Variants in GNAQ observed in about 807,000 individuals in gnomAD.
The protein encoded by GNAQ is G protein subunit alpha q, also known as guanine nucleotide-binding protein G(q) subunit alpha.
A neutral mutation model predicts 43.9 loss-of-function variants in GNAQ; 8 were observed. The ratio of observed to expected loss-of-function variants is 0.18; its 90% confidence interval spans 0.11 to 0.33. The LOEUF (loss-of-function observed/expected upper bound fraction) is 0.33. GNAQ is among the 10% of genes least tolerant of loss of function. The pLI, the probability that GNAQ is intolerant of heterozygous loss-of-function variation, is 1.00. For missense variants in GNAQ, 158 were observed against 450.8 expected (o/e 0.35, Z 5.88); for synonymous variants, 155 against 170.7 (o/e 0.91, Z 0.71).
At chr9:78,017,218 T>C (rs907075104) in intron 1 of GNAQ, among the ~76,000 whole-genome samples, 1 of 152,206 alleles carries the variant, frequency 6.6e-6, no homozygotes, top group Admixed American at 6.5e-5. Context: ...TTCTGTGGTG[T>C]AAACCCTAGC....
intron 5 of GNAQ, among the ~76,000 whole-genome samples, chr9:77,775,955 GA>G (rs1334497595): frequency 6.6e-6 from 1 of 151,926 alleles, no homozygotes; most frequent in Non-Finnish European, 1.5e-5. Context: ...AAAAGAAAAA[GA>G]AAAAAATTCA....
At chr9:77,998,021 C>T (rs1321196695) in intron 1 of GNAQ, among the ~76,000 whole-genome samples, 1 of 152,192 alleles carries the variant, frequency 6.6e-6, no homozygotes, top group Non-Finnish European at 1.5e-5. Flanking sequence ...CAACTGCTCT[C>T]TCTCCTCCTC....
intron 5 of GNAQ, among the ~76,000 whole-genome samples, chr9:77,741,211 G>A (rs921715030): frequency 1.3e-5 from 2 of 152,206 alleles, no homozygotes; most frequent in Middle Eastern, 3.2e-3. Context: ...TATGGCATGA[G>A]AAGACTGATA....
intron 1 of GNAQ, among the ~76,000 whole-genome samples, chr9:77,963,226 G>A (rs1823127233): frequency 6.6e-6 from 1 of 152,166 alleles, no homozygotes; most frequent in African/African-American, 2.4e-5. Flanking sequence ...AAATGATGCT[G>A]AAGATAAGGC....
chr9:77,805,009 A>T (rs1217012477), intron 3 of GNAQ, among the ~76,000 whole-genome samples: 1 of 152,184 alleles, frequency 6.6e-6, no homozygotes, highest in Non-Finnish European at 1.5e-5. Flanking sequence ...TCAGAAACAC[A>T]CAGTTATCGT....
chr9:77,722,899 C>T (rs1459330858), intron 6 of GNAQ, among the ~76,000 whole-genome samples: 3 of 152,176 alleles, frequency 2.0e-5, no homozygotes, highest in South Asian at 4.1e-4. Flanking sequence ...CCACTTCAGC[C>T]TCCCAAAGTG....
intron 2 of GNAQ, among the ~76,000 whole-genome samples, chr9:77,916,055 AG>A (rs1414290700): frequency 6.6e-6 from 1 of 152,208 alleles, no homozygotes; most frequent in Non-Finnish European, 1.5e-5. Flanking sequence ...GGTGGGTGAC[AG>A]AAGATTGGAA....
At chr9:77,903,766 C>T (rs1384891645) in intron 2 of GNAQ, among the ~76,000 whole-genome samples, 1 of 151,958 alleles carries the variant, frequency 6.6e-6, no homozygotes, top group Non-Finnish European at 1.5e-5. Context: ...TATATACACA[C>T]CTTATTTTAA....
intron 2 of GNAQ, among the ~76,000 whole-genome samples, chr9:77,864,174 T>C (rs1339430878): frequency 1.3e-5 from 2 of 150,886 alleles, no homozygotes; most frequent in Non-Finnish European, 3.0e-5. Flanking sequence ...CAGGCTTTTT[T>C]TTTTTTTTTT....
chr9:77,801,668 C>T (rs572355653), intron 3 of GNAQ, among the ~76,000 whole-genome samples: 1 of 152,166 alleles, frequency 6.6e-6, no homozygotes, highest in Non-Finnish European at 1.5e-5. Flanking sequence ...CTAAGAGGAA[C>T]TGTATCTAGC....
chr9:77,835,885 A>AT (rs1367458141), intron 2 of GNAQ, among the ~76,000 whole-genome samples: 1 of 152,140 alleles, frequency 6.6e-6, no homozygotes, highest in Admixed American at 6.5e-5. Context: ...TCTTTTATTT[A>AT]TTTATTTTGT....
intron 2 of GNAQ, among the ~76,000 whole-genome samples, chr9:77,880,196 C>T (rs183217604): frequency 4.6e-5 from 7 of 152,278 alleles, no homozygotes; most frequent in African/African-American, 1.4e-4. Flanking sequence ...ACTGAACTCC[C>T]TGGGCCTTAG....
chr9:77,719,675 T>G lies in GNAQ; in HGVS notation c.*1648A>C, dbSNP rs186361485. 7.7e-5 allele frequency: 18 copies of G among 232,912 alleles called. No homozygotes were observed. In the East Asian group the frequency reaches 1.1e-3, roughly 14 times the overall value. 14.4% of individuals were successfully genotyped at this position (232,912 alleles called of 1,614,324 possible). A position where few individuals can be genotyped will look rare whatever the true frequency, so the allele number is the denominator to read the frequency against. ...CCAGCAGCTTTGAACAATCATGATT[T>G]ATTTTCTTAAATCAAATTTCAACTC... On this transcript the variant is annotated 3_prime_UTR_variant, in exon 7 of 7. Coordinates refer to ENST00000286548, the MANE Select transcript of GNAQ (RefSeq NM_002072.5).
intron 2 of GNAQ, among the ~76,000 whole-genome samples, chr9:77,847,101 CCT>C (rs1192257190): frequency 6.6e-6 from 1 of 152,130 alleles, no homozygotes. Flanking sequence ...ATAATCTTTC[CCT>C]GAGCAAATCC....
intron 6 of GNAQ, among the ~76,000 whole-genome samples, chr9:77,722,542 G>GT (rs1379097732): frequency 2.0e-5 from 3 of 151,668 alleles, no homozygotes; most frequent in Admixed American, 6.6e-5. Flanking sequence ...AACTAAAAAT[G>GT]TAATTTTGCA....
At chr9:77,857,350 AAT>A (rs760487662) in intron 2 of GNAQ, among the ~76,000 whole-genome samples, 1 of 152,166 alleles carries the variant, frequency 6.6e-6, no homozygotes, top group Non-Finnish European at 1.5e-5. Context: ...AGCTCCCTGA[AAT>A]ACCATTTTTA....
At chr9:77,826,475 T>G (rs1827200068) in intron 2 of GNAQ, among the ~76,000 whole-genome samples, 1 of 152,182 alleles carries the variant, frequency 6.6e-6, no homozygotes, top group Non-Finnish European at 1.5e-5. Flanking sequence ...TTCCCCATTA[T>G]CCCTTTAATT....
chr9:78,016,871 A>G (rs1323856873), intron 1 of GNAQ, among the ~76,000 whole-genome samples: 1 of 152,216 alleles, frequency 6.6e-6, no homozygotes, highest in Non-Finnish European at 1.5e-5. Flanking sequence ...ATGCAAATAA[A>G]CACAACAAAG....
chr9:77,769,027 A>AAGACAG (rs2118364737), intron 5 of GNAQ, among the ~76,000 whole-genome samples: 1 of 152,324 alleles, frequency 6.6e-6, no homozygotes, highest in East Asian at 1.9e-4. Flanking sequence ...GTTGCCTGGG[A>AAGACAG]AGACAGAGGG....
Sources: allele counts gnomAD v4.1 joint callset (sites outside exome capture counted in the v4.1 genomes callset), GRCh38; gene constraint gnomAD v4.1.1; transcripts MANE v1.5; gene names NCBI Gene and HGNC (gene_info 2026-07-23, HGNC 2026-07-21).